Variants in BMPER observed in about 807,000 individuals in gnomAD.
BMPER encodes BMP binding endothelial regulator, also known as BMP-binding endothelial regulator protein.
Under a neutral mutation model 87.3 loss-of-function variants are expected in BMPER, and 45 were observed. The observed-to-expected ratio is 0.52, with a 90% CI of 0.41 to 0.66. The LOEUF (loss-of-function observed/expected upper bound fraction) is 0.66, where lower values mean the gene tolerates loss of function less well. Among genes scored for constraint, BMPER ranks in the 30% least tolerant of loss-of-function variants. The pLI is 0.00. For missense variants in BMPER, 784 were observed against 867.5 expected (o/e 0.90, Z 1.21); for synonymous variants, 326 against 316.2 (o/e 1.03, Z -0.33).
upstream of BMPER, chr7:33,905,436 T>TCCCCCCCCCCCCCCCCCCCCCCCCCCCC: frequency 2.5e-4 from 5 of 20,338 alleles, no homozygotes; most frequent in South Asian, 5.0e-4. Context: ...CACCTTGGTC[T>TCCCCCCCCCCCCCCCCCCCCCCCCCCCC]CTCCCCCCGC....
intron 13 of BMPER, among the ~76,000 whole-genome samples, chr7:34,129,606 GAGAA>G (rs1309723058): frequency 6.9e-5 from 6 of 86,336 alleles, no homozygotes; most frequent in East Asian, 3.6e-4. Flanking sequence ...GAGAGAGAGA[GAGAA>G]AGAGAGAGAG....
At chr7:34,015,162 C>T (rs764215534) in intron 6 of BMPER, among the ~76,000 whole-genome samples, 11 of 151,942 alleles carry the variant, frequency 7.2e-5, no homozygotes, top group Non-Finnish European at 1.5e-4. Flanking sequence ...TCGACTGTTA[C>T]ACAGAAGTTA....
chr7:34,075,376 G>T (rs1788837856), intron 11 of BMPER, among the ~76,000 whole-genome samples: 1 of 152,150 alleles, frequency 6.6e-6, no homozygotes, highest in South Asian at 2.1e-4. Context: ...AAGAGGAAAA[G>T]AAATGTAACA....
At chr7:34,044,259 T>C (rs890318411) in intron 6 of BMPER, among the ~76,000 whole-genome samples, 1 of 152,256 alleles carries the variant, frequency 6.6e-6, no homozygotes, top group Non-Finnish European at 1.5e-5. Flanking sequence ...TTTTGCCAGC[T>C]TTCCAAAGCA....
chr7:33,940,066 G>T (rs1268491258), intron 3 of BMPER: 1 of 207,332 alleles, frequency 4.8e-6, no homozygotes. Context: ...GCTCATAGGA[G>T]AAGCCTCAAA....
At chr7:34,021,978 A>T (rs1043873769) in intron 6 of BMPER, among the ~76,000 whole-genome samples, 1 of 152,052 alleles carries the variant, frequency 6.6e-6, no homozygotes, top group African/African-American at 2.4e-5. Flanking sequence ...ATGAGGTTCC[A>T]GTGACCAACA....
intron 2 of BMPER, among the ~76,000 whole-genome samples, chr7:33,914,803 G>C (rs1227042259): frequency 1.3e-5 from 2 of 152,144 alleles, no homozygotes; most frequent in Non-Finnish European, 2.9e-5. Context: ...AAATTATAGA[G>C]GCAAGAGGAG....
intron 11 of BMPER, among the ~76,000 whole-genome samples, chr7:34,075,219 T>C (rs1788833029): frequency 6.6e-6 from 1 of 152,222 alleles, no homozygotes; most frequent in Non-Finnish European, 1.5e-5. Flanking sequence ...AGCAATCTTA[T>C]TAAGGTATGG....
chr7:33,974,406 G>C (rs998070065), intron 5 of BMPER, among the ~76,000 whole-genome samples: 1 of 152,094 alleles, frequency 6.6e-6, no homozygotes, highest in Non-Finnish European at 1.5e-5. Flanking sequence ...TGGGCAGCAT[G>C]ATCACCATGC....
intron 13 of BMPER, among the ~76,000 whole-genome samples, chr7:34,104,073 C>T (rs1271216185): frequency 6.6e-6 from 1 of 152,244 alleles, no homozygotes; most frequent in East Asian, 1.9e-4. Flanking sequence ...GTGCTTTCCA[C>T]TGGACATGCC....
At chr7:33,946,807 T>A (rs1440217310) in intron 3 of BMPER, among the ~76,000 whole-genome samples, 1 of 152,242 alleles carries the variant, frequency 6.6e-6, no homozygotes, top group Admixed American at 6.5e-5. Flanking sequence ...TCAGACGTAT[T>A]CTTAGAAAGG....
rs1228099396 is a variant in BMPER, at chr7:34,085,761, G to A, written c.1414G>A (p.Glu472Lys). 6.2e-7 allele frequency: 1 copy of A among 1,613,756 alleles called. No homozygotes were observed. Among genetic ancestry groups the A allele is most frequent in the Non-Finnish European group, 8.5e-7 (1 of 1,179,706 alleles). Residue 472 changes from glutamate to lysine, a missense_variant, in exon 13 of 15, where the codon GAA (glutamate) becomes AAA (lysine). Glu to Lys is a moderately conservative substitution (Grantham distance 56). Coordinates refer to ENST00000649409, the MANE Select transcript of BMPER (RefSeq NM_001365308.1). The stretch of plus-strand genomic sequence containing the variant: ...TTCCTCTCCTCCTCCTCTAGGTTTG[G>A]AAATATCTTGGGATGGAGACAGTTT... ...LLKVTTKAGL[E>K]ISWDGDSFVE...
chr7:34,035,487 A>G (rs1389540972), intron 6 of BMPER, among the ~76,000 whole-genome samples: 2 of 152,236 alleles, frequency 1.3e-5, no homozygotes, highest in African/African-American at 4.8e-5. Flanking sequence ...GTGCTCAGGC[A>G]TACTAAGGAA....
intron 2 of BMPER, among the ~76,000 whole-genome samples, chr7:33,936,954 T>C (rs1415461889): frequency 6.6e-6 from 1 of 152,182 alleles, no homozygotes; most frequent in Non-Finnish European, 1.5e-5. Flanking sequence ...TTTACACAAA[T>C]ATTATCGTTT....
intron 9 of BMPER, 93 bp downstream of exon 9, chr7:34,055,396 T>A: frequency 6.7e-7 from 1 of 1,502,820 alleles, no homozygotes; most frequent in Non-Finnish European, 9.2e-7. Flanking sequence ...TATCCCATAA[T>A]TTCTATATAC....
chr7:33,994,119 A>G (rs575444864), intron 6 of BMPER, among the ~76,000 whole-genome samples: 1 of 143,454 alleles, frequency 7.0e-6, no homozygotes, highest in Non-Finnish European at 1.6e-5. Flanking sequence ...AGAGGCAGGC[A>G]GGCCTCCTTG....
At chr7:34,095,586 A>G (rs187185312) in intron 13 of BMPER, among the ~76,000 whole-genome samples, 263 of 152,340 alleles carry the variant, frequency 1.7e-3, no homozygotes, top group Non-Finnish European at 2.8e-3. Flanking sequence ...TGAAATATTG[A>G]AAGATTCTGA....
At chr7:34,141,068 T>G (rs1221922007) in intron 13 of BMPER, among the ~76,000 whole-genome samples, 1 of 152,206 alleles carries the variant, frequency 6.6e-6, no homozygotes. Context: ...CGCTGTGAAG[T>G]CTGAGCGTAA....
chr7:34,005,092 ACT>A (rs1402585472), intron 6 of BMPER, among the ~76,000 whole-genome samples: 2 of 152,086 alleles, frequency 1.3e-5, no homozygotes, highest in African/African-American at 4.8e-5. Flanking sequence ...GGACAGAGTG[ACT>A]CTGAGTGAGA....
Sources: allele counts gnomAD v4.1 joint callset (sites outside exome capture counted in the v4.1 genomes callset), GRCh38; gene constraint gnomAD v4.1.1; transcripts MANE v1.5; gene names NCBI Gene and HGNC (gene_info 2026-07-23, HGNC 2026-07-21).